Variants in PKIB observed in about 807,000 individuals in gnomAD.
PKIB encodes the protein PKI-beta.
Under a neutral mutation model 4.5 loss-of-function variants are expected in PKIB, and 2 were observed. The ratio of observed to expected loss-of-function variants is 0.44; its 90% CI spans 0.18 to 1.39. The LOEUF (loss-of-function observed/expected upper bound fraction) is 1.39, where lower values mean the gene tolerates loss of function less well. PKIB is among the 40% of genes most tolerant of loss of function. The pLI, the probability that PKIB is intolerant of heterozygous loss-of-function variation, is 0.27. For synonymous variants in PKIB, 38 were observed against 36.0 expected, an observed-to-expected ratio of 1.06 and a Z score of -0.20; for missense variants, 94 against 92.6, an observed-to-expected ratio of 1.02 and a Z score of -0.06.
chr6:122,501,343 C>G (rs7766734), intron 2 of PKIB, among the ~76,000 whole-genome samples: 2,321 of 152,308 alleles, frequency 0.015, 70 homozygotes, highest in African/African-American at 0.054. Context: ...TTGGCCAAAA[C>G]AAAGGGGCTA....
intron 2 of PKIB, among the ~76,000 whole-genome samples, chr6:122,535,243 G>C (rs9320876): frequency 0.14 from 21,151 of 152,062 alleles, 1,574 homozygotes; most frequent in East Asian, 0.26. Context: ...CTCATCAGAA[G>C]AATAATTTTT....
chr6:122,523,330 A>G (rs892056356), intron 2 of PKIB, among the ~76,000 whole-genome samples: 1 of 152,158 alleles, frequency 6.6e-6, no homozygotes, highest in Non-Finnish European at 1.5e-5. Context: ...CTTGCATTCC[A>G]GGAATAAATC....
intron 2 of PKIB, among the ~76,000 whole-genome samples, chr6:122,539,897 G>T (rs940776881): frequency 3.3e-5 from 5 of 151,958 alleles, no homozygotes; most frequent in Non-Finnish European, 7.4e-5. Context: ...ACTTCTTCCT[G>T]GTTTAGTCTT....
chr6:122,690,816 A>G (rs1778300502), intron 3 of PKIB, among the ~76,000 whole-genome samples: 2 of 149,856 alleles, frequency 1.3e-5, no homozygotes, highest in South Asian at 4.3e-4. Flanking sequence ...TGATTGAAGA[A>G]CTCCCTTTAG....
At chr6:122,560,375 T>C (rs1440249627) in intron 2 of PKIB, among the ~76,000 whole-genome samples, 2 of 152,180 alleles carry the variant, frequency 1.3e-5, no homozygotes, top group Non-Finnish European at 2.9e-5. Context: ...AAACCATCCC[T>C]GCATCCCTGG....
chr6:122,674,583 G>A (rs1777597120), intron 2 of PKIB, among the ~76,000 whole-genome samples: 1 of 152,162 alleles, frequency 6.6e-6, no homozygotes, highest in Non-Finnish European at 1.5e-5. Flanking sequence ...CCTTTGACAT[G>A]ATCCTTATGT....
At chr6:122,630,091 AT>A (rs954748021) in intron 1 of PKIB, among the ~76,000 whole-genome samples, 8 of 151,584 alleles carry the variant, frequency 5.3e-5, no homozygotes, top group Non-Finnish European at 7.4e-5. Context: ...CTATCTTCAA[AT>A]TTTTTTTTGT....
At chr6:122,553,175 C>G (rs988588255) in intron 2 of PKIB, among the ~76,000 whole-genome samples, 1 of 152,034 alleles carries the variant, frequency 6.6e-6, no homozygotes, top group East Asian at 1.9e-4. Context: ...TTAATCTGCC[C>G]CTGACCATCT....
intron 2 of PKIB, among the ~76,000 whole-genome samples, chr6:122,564,252 A>T (rs1417640301): frequency 1.3e-5 from 2 of 152,044 alleles, no homozygotes; most frequent in Non-Finnish European, 2.9e-5. Flanking sequence ...TCCTCTCGGG[A>T]TTGCTGGTTT....
intron 2 of PKIB, chr6:122,483,196 G>A (rs1413808862): frequency 6.6e-6 from 1 of 151,780 alleles, no homozygotes; most frequent in East Asian, 1.9e-4. Context: ...ATTTAAACCA[G>A]ACAAAAAGTT....
intron 3 of PKIB, among the ~76,000 whole-genome samples, chr6:122,700,668 T>C (rs967481247): frequency 6.6e-5 from 10 of 152,230 alleles, no homozygotes; most frequent in African/African-American, 2.4e-4. Flanking sequence ...ACTTTTTCCC[T>C]CTTTGTTTGT....
upstream of PKIB, among the ~76,000 whole-genome samples, chr6:122,609,840 G>A (rs1029051233): frequency 3.3e-5 from 5 of 152,256 alleles, no homozygotes; most frequent in Admixed American, 1.3e-4. Flanking sequence ...ACAAAAAGTT[G>A]TTTCCATTGC....
chr6:122,504,655 CA>C (rs1249753573), intron 2 of PKIB, among the ~76,000 whole-genome samples: 1 of 152,128 alleles, frequency 6.6e-6, no homozygotes, highest in Non-Finnish European at 1.5e-5. Context: ...TGGCTTTAAA[CA>C]GTTATTTTAA....
chr6:122,698,181 T>C (rs1374033239), intron 3 of PKIB, among the ~76,000 whole-genome samples: 3 of 152,154 alleles, frequency 2.0e-5, no homozygotes, highest in Admixed American at 6.6e-5. Context: ...ACATCATTGG[T>C]AAAATGTATG....
chr6:122,597,895 C>T (rs935884344), intron 3 of PKIB, among the ~76,000 whole-genome samples: 8 of 152,118 alleles, frequency 5.3e-5, no homozygotes, highest in Non-Finnish European at 1.0e-4. Context: ...AATTACCTGA[C>T]CTCCGTAAGC....
Position 122,473,669 on chromosome 6 carries a change from T to C in PKIB, c.-337+1628T>C, listed in dbSNP as rs1775371603. 2.0e-5 allele frequency among the ~76,000 whole-genome samples: 3 copies of C among 152,314 alleles called. No individual in the cohort carries two copies. In the South Asian group the frequency reaches 6.2e-4, roughly 32 times the overall value. ...CTCTTTGCCAACTATGAAAGAAAAT[T>C]GAAATGATGACTTTTTCAAATTTCA... On this transcript the variant is annotated intron_variant, in intron 1 of 6. Transcript: ENST00000392491.
intron 1 of PKIB, among the ~76,000 whole-genome samples, chr6:122,475,508 G>A (rs543542961): frequency 2.1e-4 from 32 of 152,158 alleles, no homozygotes; most frequent in African/African-American, 7.0e-4. Context: ...AAAATAGGCC[G>A]GGTGTGGTGG....
At chr6:122,633,807 A>G (rs1372489787) in intron 2 of PKIB, among the ~76,000 whole-genome samples, 1 of 152,238 alleles carries the variant, frequency 6.6e-6, no homozygotes, top group Non-Finnish European at 1.5e-5. Context: ...CCATAGTAAT[A>G]GAATTATAAT....
intron 2 of PKIB, among the ~76,000 whole-genome samples, chr6:122,506,760 C>G (rs937982647): frequency 7.4e-6 from 1 of 134,854 alleles, no homozygotes; most frequent in Non-Finnish European, 1.5e-5. Flanking sequence ...AGTGCAGTGG[C>G]GCAATCTCGG....
Sources: gnomAD v4.1 joint callset for allele counts (sites outside exome capture counted in the v4.1 genomes callset) on GRCh38, gnomAD v4.1.1 for gene constraint, MANE v1.5 for transcripts, NCBI Gene and HGNC (gene_info 2026-07-23, HGNC 2026-07-21) for gene names.